TMEM62: variants seen among roughly 807,000 people sequenced by gnomAD.
The protein encoded by TMEM62 is transmembrane protein 62.
In TMEM62, 41 loss-of-function variants were observed where a neutral mutation model predicts 70.4. The observed-to-expected ratio is 0.58, with a 90% CI of 0.45 to 0.76. TMEM62 has a LOEUF of 0.76. TMEM62 is among the 30% of genes least tolerant of loss of function. TMEM62 has a pLI of 0.00. For missense variants in TMEM62, 688 were observed against 788.5 expected, an observed-to-expected ratio of 0.87 and a Z score of 1.53; for synonymous variants, 268 against 291.0, an observed-to-expected ratio of 0.92 and a Z score of 0.80.
chr15:43,165,340 T>A (rs1174339267), intron 10 of TMEM62, among the ~76,000 whole-genome samples: 1 of 152,208 alleles, frequency 6.6e-6, no homozygotes, highest in Non-Finnish European at 1.5e-5. Flanking sequence ...GTTCTGCCCT[T>A]GAGAAATTCT....
intron 5 of TMEM62, among the ~76,000 whole-genome samples, chr15:43,148,050 C>G (rs989737758): frequency 7.2e-5 from 11 of 152,194 alleles, no homozygotes; most frequent in Admixed American, 3.3e-4. Context: ...ATTGGTATAA[C>G]TGTCACCACA....
intron 9 of TMEM62, among the ~76,000 whole-genome samples, chr15:43,155,375 A>G (rs1007193576): frequency 5.3e-5 from 8 of 152,032 alleles, no homozygotes; most frequent in Non-Finnish European, 2.9e-5. Flanking sequence ...GTGCATCTGT[A>G]GTCCTAGCTA....
At chr15:43,167,728 C>T (rs1269256325) in intron 10 of TMEM62, among the ~76,000 whole-genome samples, 2 of 152,122 alleles carry the variant, frequency 1.3e-5, no homozygotes, top group Non-Finnish European at 2.9e-5. Context: ...GGGTGGCGGC[C>T]GGGTAGAGGC....
rs141405903 is a variant in TMEM62, at chr15:43,146,582, C to T, written c.566C>T (p.Thr189Ile). 36 of 1,613,212 alleles carry T rather than the reference C, an allele frequency of 2.2e-5. No homozygotes were observed. The African/African-American group carries it at 3.7e-4, about 17-fold the overall frequency. The change falls in exon 5 of 14, where the codon ACT becomes ATT. Residue 189 changes from threonine to isoleucine, a missense_variant. Coordinates refer to ENST00000260403, the MANE Select transcript of TMEM62 (RefSeq NM_024956.4). ...GNYSFICVDATVNPGPKRPYN... is the reference protein window; with the variant it reads ...GNYSFICVDAIVNPGPKRPYN... Reference sequence around the variant, plus strand: ...TATTCGTTCATCTGTGTAGATGCCACTGTAAATCCAGGGCCTAAGAGACCC... The same window carrying T: ...TATTCGTTCATCTGTGTAGATGCCATTGTAAATCCAGGGCCTAAGAGACCC...
chr15:43,160,105 A>G (rs1324643333), intron 9 of TMEM62, among the ~76,000 whole-genome samples: 1 of 151,848 alleles, frequency 6.6e-6, no homozygotes, highest in Non-Finnish European at 1.5e-5. Flanking sequence ...AGTAGCTAGG[A>G]TTACAGGTGC....
At chr15:43,155,515 AT>A (rs1386008673) in intron 9 of TMEM62, among the ~76,000 whole-genome samples, 2 of 152,208 alleles carry the variant, frequency 1.3e-5, no homozygotes, top group Non-Finnish European at 2.9e-5. Flanking sequence ...ATAAATAAAA[AT>A]AAAAATAAAT....
intron 2 of TMEM62, among the ~76,000 whole-genome samples, chr15:43,134,653 G>C (rs527392950): frequency 6.6e-6 from 1 of 152,232 alleles, no homozygotes; most frequent in Non-Finnish European, 1.5e-5. Context: ...TTTGTATCTG[G>C]TTTTTGTTCT....
At chr15:43,135,709 A>G (rs556088089) in intron 3 of TMEM62, 60 bp downstream of exon 3, 1 of 1,506,324 alleles carries the variant, frequency 6.6e-7, no homozygotes, top group Non-Finnish European at 8.8e-7. Context: ...TCAGGAACCT[A>G]GATTTTCCAA....
At chr15:43,142,694 A>G (rs962795360) in intron 4 of TMEM62, among the ~76,000 whole-genome samples, 10 of 151,194 alleles carry the variant, frequency 6.6e-5, no homozygotes, top group African/African-American at 2.2e-4. Context: ...TTTTTGAGAC[A>G]GGGTCTCTCT....
intron 4 of TMEM62, 136 bp from the exon 5 acceptor site, chr15:43,146,357 G>T: frequency 1.3e-6 from 1 of 779,690 alleles, no homozygotes; most frequent in Non-Finnish European, 2.0e-6. Context: ...TATCCATTGT[G>T]GATCTAGTTT....
chr15:43,182,453 CTTTT>C (rs1216767686), intron 13 of TMEM62, among the ~76,000 whole-genome samples: 9 of 142,104 alleles, frequency 6.3e-5, no homozygotes, highest in Admixed American at 4.2e-4. Context: ...CTTTTCTTTT[CTTTT>C]TTTTTTTTTT....
intron 10 of TMEM62, among the ~76,000 whole-genome samples, chr15:43,166,199 G>A (rs1045991558): frequency 1.2e-4 from 19 of 152,354 alleles, no homozygotes; most frequent in African/African-American, 4.3e-4. Flanking sequence ...GTGGGCTTGG[G>A]TAAGAACTGG....
At chr15:43,136,440 T>C (rs1172774724) in intron 3 of TMEM62, among the ~76,000 whole-genome samples, 1 of 152,140 alleles carries the variant, frequency 6.6e-6, no homozygotes, top group Non-Finnish European at 1.5e-5. Flanking sequence ...TAAAATTTAC[T>C]AGTATTATTA....
chr15:43,155,010 C>T (rs924367725), intron 9 of TMEM62, among the ~76,000 whole-genome samples, 179 bp downstream of exon 9: 1 of 152,028 alleles, frequency 6.6e-6, no homozygotes, highest in African/African-American at 2.4e-5. Context: ...GGCAGATCAC[C>T]TAAGCATAGG....
At position 43,142,013 on chromosome 15, in the gene TMEM62, C is replaced by T. The variant is rs145246796; in HGVS notation, c.476+3394C>T. On this transcript the variant is annotated intron_variant, in intron 4 of 13. Transcript: ENST00000260403. ...TGGTTTCTTGAGAAGGAATCTACTC[C>T]TTCTAAATATGGTGTGAACATTTTT... is the stretch of plus-strand genomic sequence containing the variant. Among the ~76,000 whole-genome samples, 375 of 152,258 alleles carry T rather than the reference C, an allele frequency of 2.5e-3. 1 individual carries two copies. Among genetic ancestry groups the T allele is most frequent in the African/African-American group, 8.8e-3 (365 of 41,546 alleles).
intron 2 of TMEM62, among the ~76,000 whole-genome samples, chr15:43,134,860 TCAAA>T (rs1366120021): frequency 5.3e-5 from 8 of 152,252 alleles, no homozygotes; most frequent in Non-Finnish European, 1.2e-4. Context: ...TCTAGACTCT[TCAAA>T]CACTTTATTT....
chr15:43,156,033 TAA>T (rs552056368), intron 9 of TMEM62, among the ~76,000 whole-genome samples: 48 of 149,938 alleles, frequency 3.2e-4, no homozygotes, highest in African/African-American at 1.2e-3. Context: ...ATTAGTTTCT[TAA>T]ACACACACAC....
chr15:43,159,301 C>T (rs2038401399), intron 9 of TMEM62, among the ~76,000 whole-genome samples: 1 of 152,158 alleles, frequency 6.6e-6, no homozygotes, highest in African/African-American at 2.4e-5. Context: ...ACTCTAGTCA[C>T]TCTGTTGTGC....
intron 11 of TMEM62, among the ~76,000 whole-genome samples, chr15:43,177,980 T>G (rs937209278): frequency 1.3e-5 from 2 of 151,812 alleles, no homozygotes; most frequent in Non-Finnish European, 2.9e-5. Flanking sequence ...ACATGTACCC[T>G]AAAACTTAAA....
Sources: gnomAD v4.1 joint callset for allele counts (sites outside exome capture counted in the v4.1 genomes callset) on GRCh38, gnomAD v4.1.1 for gene constraint, MANE v1.5 for transcripts, NCBI Gene and HGNC (gene_info 2026-07-23, HGNC 2026-07-21) for gene names.